The following PGAP1 variants were observed in gnomAD, a reference collection of about 807,000 sequenced individuals.
The protein encoded by PGAP1 is GPI inositol-deacylase.
A neutral mutation model predicts 127.0 loss-of-function variants in PGAP1; 76 were observed. That is an observed-to-expected ratio of 0.60 (90% CI 0.50 to 0.72). The LOEUF is 0.72. Ranked by LOEUF, PGAP1 falls within the 30% of genes least tolerant of loss-of-function variation. The pLI is 0.00. For missense variants in PGAP1, 982 were observed against 1,071.3 expected, an observed-to-expected ratio of 0.92 and a Z score of 1.16; for synonymous variants, 362 against 366.5, an observed-to-expected ratio of 0.99 and a Z score of 0.14.
At chr2:196,870,805 G>A in intron 19 of PGAP1, 136 bp downstream of exon 19, 3 of 565,120 alleles carry the variant, frequency 5.3e-6, no homozygotes, top group Middle Eastern at 2.9e-4. Context: ...AGCAGTGGCA[G>A]TAGCAAAAGA....
intron 13 of PGAP1, among the ~76,000 whole-genome samples, chr2:196,877,280 A>G (rs1335473363): frequency 6.6e-6 from 1 of 152,140 alleles, no homozygotes; most frequent in Non-Finnish European, 1.5e-5. Context: ...ATATACTGAC[A>G]GAAGTTGACT....
At chr2:196,885,024 T>C (rs1701852914) in intron 12 of PGAP1, among the ~76,000 whole-genome samples, 1 of 152,150 alleles carries the variant, frequency 6.6e-6, no homozygotes, top group Admixed American at 6.5e-5. Context: ...ATCATATCTG[T>C]TTGAGATGTC....
chr2:196,866,609 A>G (rs188370693), intron 19 of PGAP1, among the ~76,000 whole-genome samples: 32 of 152,358 alleles, frequency 2.1e-4, no homozygotes, highest in African/African-American at 6.5e-4. Context: ...ACAAAAGCCA[A>G]AATTGGCAAA....
At chr2:196,885,761 A>T (rs1030817108) in intron 11 of PGAP1, 73 bp downstream of exon 11, 13 of 934,522 alleles carry the variant, frequency 1.4e-5, no homozygotes, top group Non-Finnish European at 2.0e-5. Flanking sequence ...ACAATGTATG[A>T]AACTATTCTA....
intron 20 of PGAP1, among the ~76,000 whole-genome samples, chr2:196,849,306 C>G (rs568646714): frequency 6.7e-6 from 1 of 149,488 alleles, no homozygotes; most frequent in Non-Finnish European, 1.5e-5. Context: ...ATTCTGTCAC[C>G]AGGCTGGAGT....
chr2:196,902,659 G>T lies in PGAP1; in HGVS notation c.733C>A (p.Arg245=), dbSNP rs781211463. ...LTTLSVAGGF[R]DYQVRSGLTF... is the part of the protein sequence containing the mutation. The stretch of plus-strand genomic sequence containing the variant: ...AATCCTGAACGAACTTGGTAATCCC[G>T]GAATCCTCCAGCTACAGAAAGTGTG... The change falls in exon 5 of 27, where the codon CGG becomes AGG. Residue 245 remains arginine (R), a synonymous_variant. Transcript: ENST00000354764. The T allele has an allele frequency of 6.2e-7, 1 of 1,613,106 alleles. No individual in the cohort carries two copies. The highest frequency in any genetic ancestry group is 8.5e-7 in the Non-Finnish European group (1 of 1,179,294).
chr2:196,916,383 T>C (rs777894608), intron 3 of PGAP1, 35 bp downstream of exon 3: 1 of 1,525,684 alleles, frequency 6.6e-7, no homozygotes, highest in Non-Finnish European at 8.8e-7. Context: ...TGCCGATAGG[T>C]TGCACCACTA....
Position 196,902,602 on chromosome 2 carries a change from T to C in PGAP1, c.790A>G (p.Ser264Gly), listed in dbSNP as rs541574469. The part of the protein sequence containing the change: ...TFLPKLSHHT[S>G]ALSVVSSAVP... Reference sequence around the variant, plus strand: ...AAGATTACCACAACAGATAAGGCACTGGTATGATGGCTTAATTTTGGTAGA... The same window carrying C: ...AAGATTACCACAACAGATAAGGCACCGGTATGATGGCTTAATTTTGGTAGA... Residue 264 changes from serine (S) to glycine (G), a missense_variant, in exon 5 of 27, where the codon AGT becomes GGT. Ser to Gly is a moderately conservative substitution (Grantham distance 56, BLOSUM62 0). Coordinates refer to ENST00000354764, the MANE Select transcript of PGAP1 (RefSeq NM_024989.4). 6 of 1,611,346 alleles carry C rather than the reference T, an allele frequency of 3.7e-6. No homozygotes were observed. Among genetic ancestry groups the C allele is most frequent in the Non-Finnish European group, 4.2e-6 (5 of 1,179,202 alleles).
At chr2:196,882,608 G>A (rs1262192359) in intron 12 of PGAP1, among the ~76,000 whole-genome samples, 2 of 151,408 alleles carry the variant, frequency 1.3e-5, no homozygotes, top group East Asian at 3.9e-4. Context: ...TTCTTTTTTT[G>A]GCAATATTGG....
chr2:196,887,384 A>AAAAAACAAAACAAAACAAAAC (rs1701948432), intron 10 of PGAP1, among the ~76,000 whole-genome samples: 3 of 152,236 alleles, frequency 2.0e-5, no homozygotes, highest in African/African-American at 7.2e-5. Flanking sequence ...ACTCCATCTC[A>AAAAAACAAAACAAAACAAAAC]AAAAACAAAA....
chr2:196,841,434 T>C, intron 26 of PGAP1, 62 bp from the exon 27 acceptor site: 1 of 1,267,546 alleles, frequency 7.9e-7, no homozygotes, highest in Non-Finnish European at 1.1e-6. Flanking sequence ...CAAAATTATA[T>C]CAATCTTTTA....
At chr2:196,894,892 G>A (rs1360519122) in intron 7 of PGAP1, among the ~76,000 whole-genome samples, 1 of 152,134 alleles carries the variant, frequency 6.6e-6, no homozygotes, top group Non-Finnish European at 1.5e-5. Flanking sequence ...CTACTCACAA[G>A]TTTTTAGCTA....
intron 26 of PGAP1, among the ~76,000 whole-genome samples, chr2:196,842,339 G>A (rs1382243556): frequency 6.6e-6 from 1 of 152,064 alleles, no homozygotes; most frequent in Non-Finnish European, 1.5e-5. Flanking sequence ...GTTTTATTAT[G>A]GAAAATTTGA....
chr2:196,872,683 C>CG (rs1395864837), intron 17 of PGAP1, 134 bp from the exon 18 acceptor site: 2 of 646,276 alleles, frequency 3.1e-6, no homozygotes, highest in Non-Finnish European at 5.4e-6. Context: ...TGTGGATGGG[C>CG]ACTTTTTCAA....
Position 196,845,901 on chromosome 2 carries a change from T to C in PGAP1, c.2267A>G (p.Tyr756Cys), listed in dbSNP as rs1700543992. ...TCGALAILLSYLYYVFKVVHL... is the reference protein window; with the variant it reads ...TCGALAILLSCLYYVFKVVHL... ...ACATACCTTAAACACATAGTAAAGA[T>C]AAGAAAGAAGTATGGCTAGTGCTCC... The change falls in exon 23 of 27, where the codon TAT becomes TGT. Residue 756 changes from tyrosine (Y) to cysteine (C), a missense_variant. By Grantham distance (194) the Tyr-to-Cys change is radical. Transcript: ENST00000354764. 6.2e-7 allele frequency: 1 copy of C among 1,608,090 alleles called. No homozygotes were observed. The highest frequency in any genetic ancestry group is 8.5e-7 in the Non-Finnish European group (1 of 1,176,648).
At position 196,841,277 on chromosome 2, in the gene PGAP1, A is replaced by G. The variant is rs763699538; in HGVS notation, c.2726T>C (p.Val909Ala). Reference protein sequence around the residue: ...SAHLYRLPCFVFIPLLLHALC... With the variant: ...SAHLYRLPCFAFIPLLLHALC... The stretch of plus-strand genomic sequence containing the variant: ...TGCATGGAGTAAAAGAGGAATGAAG[A>G]CAAAGCATGGAAGCCTATATAAATG... The change falls in exon 27 of 27, where the codon GTC (valine) becomes GCC (alanine). Residue 909 changes from valine (V) to alanine (A), a missense_variant. Val to Ala is a moderately conservative substitution (Grantham distance 64). Coordinates refer to ENST00000354764, the MANE Select transcript of PGAP1 (RefSeq NM_024989.4). 1 of 1,613,984 alleles carries G rather than the reference A, an allele frequency of 6.2e-7. No individual in the cohort carries two copies. The highest frequency in any genetic ancestry group is 1.7e-5 in the Admixed American group (1 of 60,006).
chr2:196,844,113 C>T (rs1700493380), intron 24 of PGAP1, 38 bp from the exon 25 acceptor site: 1 of 1,222,492 alleles, frequency 8.2e-7, no homozygotes. Flanking sequence ...AGACACTAAA[C>T]AAAAGTATAT....
chr2:196,896,611 C>T (rs554749723), intron 7 of PGAP1, among the ~76,000 whole-genome samples: 191 of 151,986 alleles, frequency 1.3e-3, no homozygotes, highest in Middle Eastern at 0.01. Flanking sequence ...TTTGGGAGGC[C>T]AAGACAGGTG....
intron 5 of PGAP1, among the ~76,000 whole-genome samples, chr2:196,900,270 C>T (rs1702442999): frequency 6.6e-6 from 1 of 152,160 alleles, no homozygotes; most frequent in Non-Finnish European, 1.5e-5. Context: ...TAAATATCCA[C>T]CCAGGGCAGT....
Sources: allele counts gnomAD v4.1 joint callset (sites outside exome capture counted in the v4.1 genomes callset), GRCh38; gene constraint gnomAD v4.1.1; transcripts MANE v1.5; gene names NCBI Gene and HGNC (gene_info 2026-07-23, HGNC 2026-07-21).